Variants in SPACA7 observed in about 807,000 individuals in gnomAD.
The protein encoded by SPACA7 is sperm acrosome-associated protein 7.
In SPACA7, 19 loss-of-function variants were observed where a neutral mutation model predicts 26.3. The ratio of observed to expected loss-of-function variants is 0.72; its 90% confidence interval spans 0.50 to 1.06. The LOEUF (loss-of-function observed/expected upper bound fraction) is 1.06. Ranked by LOEUF, SPACA7 falls within the 50% of genes least tolerant of loss-of-function variation. The pLI, the probability that SPACA7 is intolerant of heterozygous loss-of-function variation, is 0.00. For synonymous variants in SPACA7, 84 were observed against 84.5 expected, an observed-to-expected ratio of 0.99 and a Z score of 0.04; for missense variants, 211 against 229.9, an observed-to-expected ratio of 0.92 and a Z score of 0.53.
intron 5 of SPACA7, among the ~76,000 whole-genome samples, chr13:112,430,172 CTCTGTGTG>C (rs966541240): frequency 1.4e-4 from 17 of 122,774 alleles, no homozygotes; most frequent in African/African-American, 5.0e-4. Context: ...GCATCTCTCT[CTCTGTGTG>C]TGTGTGTGTG....
chr13:112,421,006 T>A (rs980342481), intron 5 of SPACA7, among the ~76,000 whole-genome samples: 1 of 151,848 alleles, frequency 6.6e-6, no homozygotes, highest in Non-Finnish European at 1.5e-5. Flanking sequence ...AAGACAAAAA[T>A]AAGGATTATT....
chr13:112,410,906 C>T (rs1057416706), intron 5 of SPACA7, among the ~76,000 whole-genome samples: 4 of 152,184 alleles, frequency 2.6e-5, no homozygotes, highest in African/African-American at 4.8e-5. Flanking sequence ...CCAGTGTCCA[C>T]TGACGAATAC....
At chr13:112,396,500 G>A (rs79558913) in intron 2 of SPACA7, among the ~76,000 whole-genome samples, 40,512 of 151,524 alleles carry the variant, frequency 0.27, 6,126 homozygotes, top group Non-Finnish European at 0.35. Flanking sequence ...CTGGAATGGG[G>A]TAGAGACCAG....
intron 5 of SPACA7, among the ~76,000 whole-genome samples, chr13:112,425,195 T>C (rs1876413026): frequency 6.6e-6 from 1 of 152,152 alleles, no homozygotes; most frequent in Non-Finnish European, 1.5e-5. Flanking sequence ...CAGGCTCCCC[T>C]GCAGGGTGAC....
intron 5 of SPACA7, among the ~76,000 whole-genome samples, chr13:112,404,890 G>A (rs1885875662): frequency 6.6e-6 from 1 of 151,120 alleles, no homozygotes; most frequent in Non-Finnish European, 1.5e-5. Context: ...GTCTTGCTTT[G>A]GCTATGCAAG....
At position 112,401,148 on chromosome 13, in the gene SPACA7, G is replaced by T; in HGVS notation, c.429G>T (p.Lys143Asn). The T allele has an allele frequency of 6.2e-7, 1 of 1,613,986 alleles. No individual in the cohort carries two copies. Among genetic ancestry groups the T allele is most frequent in the East Asian group, 2.2e-5 (1 of 44,878 alleles). Reference sequence around the variant, plus strand: ...CACAGGTGTCTCCTGGCAGTGAGAAGAGTGTTTCCAGTAAAGGTAAATGTG... The same window carrying T: ...CACAGGTGTCTCCTGGCAGTGAGAATAGTGTTTCCAGTAAAGGTAAATGTG... ...RGPQVSPGSE[K>N]SVSSKEKNSK... The change falls in exon 5 of 7, where the codon AAG (lysine) becomes AAT (asparagine). Residue 143 changes from lysine (K) to asparagine (N), a missense_variant. Coordinates refer to ENST00000283550, the MANE Select transcript of SPACA7 (RefSeq NM_145248.5).
At chr13:112,416,068 G>A (rs1886671341) in intron 5 of SPACA7, among the ~76,000 whole-genome samples, 1 of 151,778 alleles carries the variant, frequency 6.6e-6, no homozygotes, top group Non-Finnish European at 1.5e-5. Flanking sequence ...GGTGGTGTAG[G>A]CAATACTACA....
At chr13:112,397,424 A>C (rs1398394587) in intron 2 of SPACA7, among the ~76,000 whole-genome samples, 1 of 152,198 alleles carries the variant, frequency 6.6e-6, no homozygotes, top group Admixed American at 6.5e-5. Flanking sequence ...CACCTTCTGC[A>C]TACACTGCTT....
chr13:112,399,195 C>G (rs779244460), intron 4 of SPACA7, 22 bp downstream of exon 4: 1 of 1,280,972 alleles, frequency 7.8e-7, no homozygotes, highest in Admixed American at 1.7e-5. Context: ...CCAGTAATTA[C>G]CCCTTCCCAA....
chr13:112,388,097 C>G (rs893161920), intron 1 of SPACA7, among the ~76,000 whole-genome samples: 5 of 152,222 alleles, frequency 3.3e-5, no homozygotes, highest in Non-Finnish European at 7.3e-5. Context: ...GCTGGACTTC[C>G]ATCAGCAACC....
At chr13:112,382,429 G>C in intron 1 of SPACA7, 1 of 1,549,568 alleles carries the variant, frequency 6.5e-7, no homozygotes, top group African/African-American at 1.4e-5. Context: ...TGCAGGCTGT[G>C]AAGATGGGAA....
At position 112,399,169 on chromosome 13, in the gene SPACA7, T is replaced by A; in HGVS notation, c.345T>A (p.Asn115Lys). The change falls in exon 4 of 7, where the codon AAT becomes AAA. Residue 115 changes from asparagine to lysine, a missense_variant. Physicochemically the swap from Asn to Lys is moderately conservative, Grantham distance 94. Coordinates refer to ENST00000283550, the MANE Select transcript of SPACA7 (RefSeq NM_145248.5). Reference protein sequence around the residue: ...FSPGIEVKISNDEANANANLH... With the variant: ...FSPGIEVKISKDEANANANLH... ...CTGGCATTGAGGTCAAAATTTCCAATGATGGTAAATGCAACCCAGTAATTA... is the reference window on the plus strand; with the variant it reads ...CTGGCATTGAGGTCAAAATTTCCAAAGATGGTAAATGCAACCCAGTAATTA... 1 of 1,518,364 alleles carries A rather than the reference T, an allele frequency of 6.6e-7. No homozygotes were observed. Among genetic ancestry groups the A allele is most frequent in the Admixed American group, 1.7e-5 (1 of 59,910 alleles). The allele number at this position is 1,518,364 out of a possible 1,614,324, so 94.1% of individuals were successfully genotyped here. A position where few individuals can be genotyped will look rare whatever the true frequency, so the allele number is the denominator to read the frequency against.
At chr13:112,377,276 C>A (rs369704848) in intron 1 of SPACA7, among the ~76,000 whole-genome samples, 9 of 152,194 alleles carry the variant, frequency 5.9e-5, no homozygotes, top group African/African-American at 2.2e-4. Context: ...CAGGACCATA[C>A]AATTGTTTGC....
rs544790964 is a variant in SPACA7 at position 112,377,278 on chromosome 13, A to G, written c.94+799A>G. Among the ~76,000 whole-genome samples the G allele has an allele frequency of 2.6e-4, 40 of 152,342 alleles. No homozygotes were observed. The South Asian group carries it at 8.3e-3, about 32-fold the overall frequency. On this transcript the variant is annotated intron_variant, in intron 1 of 6. Transcript: ENST00000283550. ...ATATTATGATTTTCAGGACCATACA[A>G]TTGTTTGCATAAGTTTAATAAAAAT...
In SPACA7 at chr13:112,398,931, A is replaced by T. The variant is rs551900353; in HGVS notation, c.242-135A>T. The T allele has an allele frequency of 9.4e-4, 610 of 647,722 alleles. 2 individuals are homozygous for T. Among genetic ancestry groups the T allele is most frequent in the Non-Finnish European group, 1.4e-3 (492 of 363,296 alleles). 40.1% of individuals were successfully genotyped at this position (647,722 alleles called of 1,614,324 possible). On this transcript the variant is annotated intron_variant, in intron 3 of 6. Coordinates refer to ENST00000283550, the MANE Select transcript of SPACA7 (RefSeq NM_145248.5). ...TGTTTACACCTTCACTTACCAACGCACATTTCCACATAGAGCTTGCAAACT... is the reference window on the plus strand; with the variant it reads ...TGTTTACACCTTCACTTACCAACGCTCATTTCCACATAGAGCTTGCAAACT...
chr13:112,409,917 G>A (rs9603893), intron 5 of SPACA7, among the ~76,000 whole-genome samples: 14,575 of 152,112 alleles, frequency 0.096, 1,598 homozygotes, highest in East Asian at 0.28. Flanking sequence ...GCATGCACAC[G>A]TATGTTTATT....
At chr13:112,417,797 T>A (rs1886785871) in intron 5 of SPACA7, among the ~76,000 whole-genome samples, 1 of 152,226 alleles carries the variant, frequency 6.6e-6, no homozygotes, top group South Asian at 2.1e-4. Flanking sequence ...CACTGTTTTA[T>A]CTCAACCTGC....
At chr13:112,416,759 T>C (rs886327694) in intron 5 of SPACA7, among the ~76,000 whole-genome samples, 1 of 152,172 alleles carries the variant, frequency 6.6e-6, no homozygotes, top group African/African-American at 2.4e-5. Context: ...ATATTAGTTT[T>C]CCAGTCTCAC....
At chr13:112,432,630 C>T (rs769745312) in intron 6 of SPACA7, 109 bp downstream of exon 6, 1 of 776,192 alleles carries the variant, frequency 1.3e-6, no homozygotes, top group Non-Finnish European at 2.2e-6. Flanking sequence ...AGCCCAGCCC[C>T]CAGGTGGACC....
Sources: gnomAD v4.1 joint callset for allele counts (sites outside exome capture counted in the v4.1 genomes callset) on GRCh38, gnomAD v4.1.1 for gene constraint, MANE v1.5 for transcripts, NCBI Gene and HGNC (gene_info 2026-07-23, HGNC 2026-07-21) for gene names.